CSMD3: variants seen among roughly 807,000 people sequenced by gnomAD.
CSMD3 encodes the protein CUB and sushi domain-containing protein 3.
CSMD3 carries 177 observed loss-of-function variants against 435.2 expected under a neutral mutation model. The observed-to-expected ratio is 0.41, with a 90% CI of 0.36 to 0.46. CSMD3 has a LOEUF of 0.46. CSMD3 is among the 20% of genes least tolerant of loss of function. The probability of loss-of-function intolerance (pLI) is 0.34; values close to 1 mark genes in which losing one functional copy is unlikely to be tolerated. For synonymous variants in CSMD3, 1,656 were observed against 1,520.5 expected, an observed-to-expected ratio of 1.09 and a Z score of -2.07; for missense variants, 4,265 against 4,504.6, an observed-to-expected ratio of 0.95 and a Z score of 1.52.
intron 3 of CSMD3, among the ~76,000 whole-genome samples, chr8:113,250,828 T>C (rs900468312): frequency 3.9e-5 from 6 of 152,092 alleles, no homozygotes; most frequent in Non-Finnish European, 8.8e-5. Flanking sequence ...GAGTGACTGT[T>C]GCTCACAGCG....
chr8:113,191,098 A>G (rs2092578239), intron 3 of CSMD3, among the ~76,000 whole-genome samples: 2 of 151,814 alleles, frequency 1.3e-5, no homozygotes, highest in Non-Finnish European at 2.9e-5. Flanking sequence ...TCTTTTCTGT[A>G]TCTTTCAATG....
At chr8:112,878,434 G>A (rs974402756) in intron 10 of CSMD3, among the ~76,000 whole-genome samples, 1 of 152,188 alleles carries the variant, frequency 6.6e-6, no homozygotes, top group Admixed American at 6.5e-5. Context: ...TGGAGAGGAT[G>A]TGGAGAAATA....
chr8:112,352,496 T>C lies in CSMD3; in HGVS notation c.6175A>G (p.Ser2059Gly). 6.2e-7 allele frequency: 1 copy of C among 1,613,676 alleles called. No homozygotes were observed. The change falls in exon 39 of 71, where the codon AGC becomes GGC. Residue 2059 changes from serine (S) to glycine (G), a missense_variant. Physicochemically the swap from Ser to Gly is moderately conservative, Grantham distance 56 (BLOSUM62 0). Coordinates refer to ENST00000297405, the MANE Select transcript of CSMD3 (RefSeq NM_198123.2). ...CTGTCTCCAATTTTAATTCCACTGCTAGGAGTTTGTGGTTCAGGACAGGAA... is the reference window on the plus strand; with the variant it reads ...CTGTCTCCAATTTTAATTCCACTGCCAGGAGTTTGTGGTTCAGGACAGGAA... ...LDSCPEPQTP[S>G]SGIKIGDRYM...
rs971377363 is a variant in CSMD3 at position 112,822,806 on chromosome 8, G to A, written c.1859+6880C>T. 3.9e-5 allele frequency among the ~76,000 whole-genome samples: 6 copies of A among 152,114 alleles called. No homozygotes were observed. In the South Asian group the frequency reaches 1.0e-3, roughly 26 times the overall value. ...AATAGCTCTTATTATTTTGAGATAT[G>A]TTCCATTAATACCTAGTTTATTGAG... On this transcript the variant is annotated intron_variant, in intron 12 of 70. Transcript: ENST00000297405.
intron 1 of CSMD3, among the ~76,000 whole-genome samples, chr8:113,357,785 G>A (rs980805381): frequency 4.6e-5 from 7 of 152,044 alleles, no homozygotes; most frequent in African/African-American, 1.7e-4. Flanking sequence ...ACAAGATCTG[G>A]GTGTTTAAAG....
rs2080932171 is a variant in CSMD3 at position 112,864,868 on chromosome 8, T to A, written c.1634-5602A>T. 2.0e-5 allele frequency among the ~76,000 whole-genome samples: 3 copies of A among 152,198 alleles called. No homozygotes were observed. In the South Asian group the frequency reaches 6.2e-4, roughly 31 times the overall value. On this transcript the variant is annotated intron_variant, in intron 10 of 70. Transcript: ENST00000297405. ...TTCCTATATTTATGATTATCTTAACTTTTAGTGCTTTAGACAGAGTTGATA... is the reference window on the plus strand; with the variant it reads ...TTCCTATATTTATGATTATCTTAACATTTAGTGCTTTAGACAGAGTTGATA...
At chr8:113,121,720 G>T (rs2090991808) in intron 4 of CSMD3, among the ~76,000 whole-genome samples, 1 of 151,960 alleles carries the variant, frequency 6.6e-6, no homozygotes, top group Non-Finnish European at 1.5e-5. Context: ...CACACAGTTA[G>T]ACAGCATTCA....
intron 3 of CSMD3, among the ~76,000 whole-genome samples, chr8:113,236,842 T>C (rs1306617739): frequency 2.0e-5 from 3 of 152,176 alleles, no homozygotes; most frequent in Admixed American, 6.6e-5. Flanking sequence ...TCTATCTACC[T>C]ACCTATTCAA....
chr8:112,975,279 C>A (rs1242161052), intron 7 of CSMD3, among the ~76,000 whole-genome samples: 1 of 152,008 alleles, frequency 6.6e-6, no homozygotes, highest in Admixed American at 6.6e-5. Flanking sequence ...AATGAGAAAT[C>A]TTTCAATGCA....
chr8:113,132,881 C>A (rs1188079799), intron 4 of CSMD3, among the ~76,000 whole-genome samples: 2 of 152,068 alleles, frequency 1.3e-5, no homozygotes, highest in African/African-American at 4.8e-5. Flanking sequence ...AAAATGTATC[C>A]TGTGACCTCA....
chr8:112,784,040 T>C (rs962110564), intron 13 of CSMD3, among the ~76,000 whole-genome samples: 4 of 151,950 alleles, frequency 2.6e-5, no homozygotes, highest in African/African-American at 7.2e-5. Flanking sequence ...GTTATCCAGA[T>C]AGAAAATCAA....
chr8:113,228,574 A>AC (rs1296480225), intron 3 of CSMD3, among the ~76,000 whole-genome samples: 5 of 151,342 alleles, frequency 3.3e-5, no homozygotes, highest in African/African-American at 4.8e-5. Context: ...TTCATTGAGC[A>AC]CTTTAAAAAA....
At chr8:113,370,669 A>G (rs2133048783) in intron 1 of CSMD3, among the ~76,000 whole-genome samples, 1 of 152,090 alleles carries the variant, frequency 6.6e-6, no homozygotes, top group East Asian at 1.9e-4. Flanking sequence ...TTTACTATTT[A>G]CTATTAAATG....
At chr8:112,332,138 G>A (rs1207428597) in intron 45 of CSMD3, among the ~76,000 whole-genome samples, 1 of 152,014 alleles carries the variant, frequency 6.6e-6, no homozygotes. Flanking sequence ...AAAATATAAA[G>A]AGGATAAGAA....
intron 13 of CSMD3, among the ~76,000 whole-genome samples, chr8:112,711,604 A>G (rs184075561): frequency 5.3e-4 from 81 of 151,592 alleles, no homozygotes; most frequent in African/African-American, 1.9e-3. Context: ...ATTAAAAACC[A>G]CAGTCTACAC....
chr8:112,822,186 T>C (rs1167242428), intron 12 of CSMD3, among the ~76,000 whole-genome samples: 5 of 152,132 alleles, frequency 3.3e-5, no homozygotes, highest in African/African-American at 1.2e-4. Flanking sequence ...ATTCCGTGAA[T>C]AATGTCAATG....
At chr8:112,370,677 C>A (rs568100099) in intron 38 of CSMD3, among the ~76,000 whole-genome samples, 1 of 152,136 alleles carries the variant, frequency 6.6e-6, no homozygotes, top group East Asian at 1.9e-4. Context: ...CCCTGACCAC[C>A]ATAACATCCT....
intron 13 of CSMD3, among the ~76,000 whole-genome samples, chr8:112,726,804 A>G (rs997930298): frequency 4.6e-5 from 7 of 151,924 alleles, no homozygotes; most frequent in African/African-American, 1.7e-4. Context: ...TACGGAAAAA[A>G]GGAAAATTTG....
At chr8:113,094,423 T>C (rs1387032089) in intron 5 of CSMD3, among the ~76,000 whole-genome samples, 1 of 152,176 alleles carries the variant, frequency 6.6e-6, no homozygotes, top group African/African-American at 2.4e-5. Context: ...TGACTATCTC[T>C]ACTCCTTCAC....
Sources: gnomAD v4.1 joint callset for allele counts (sites outside exome capture counted in the v4.1 genomes callset) on GRCh38, gnomAD v4.1.1 for gene constraint, MANE v1.5 for transcripts, NCBI Gene and HGNC (gene_info 2026-07-23, HGNC 2026-07-21) for gene names.